CNOT4: variants seen among roughly 807,000 people sequenced by gnomAD.
CNOT4 encodes the protein CCR4-associated factor 4.
A neutral mutation model predicts 73.8 loss-of-function variants in CNOT4; 8 were observed. The observed-to-expected ratio is 0.11, with a 90% CI of 0.06 to 0.20. CNOT4 has a LOEUF of 0.20. Among genes scored for constraint, CNOT4 ranks in the 10% least tolerant of loss-of-function variants. The pLI, the probability that CNOT4 is intolerant of heterozygous loss-of-function variation, is 1.00. For missense variants in CNOT4, 564 were observed against 883.4 expected (o/e 0.64, Z 4.58); for synonymous variants, 293 against 321.1 (o/e 0.91, Z 0.94).
chr7:135,398,513 T>G (rs754849381), intron 7 of CNOT4, among the ~76,000 whole-genome samples: 2 of 152,006 alleles, frequency 1.3e-5, no homozygotes, highest in Non-Finnish European at 2.9e-5. Context: ...AGAGTTCAGA[T>G]TCTCAGATTT....
chr7:135,363,810 A>G lies in CNOT4; in HGVS notation c.1840+44T>C. The stretch of plus-strand genomic sequence containing the variant: ...TTTTATTTAATCTGTGCTAAAAACC[A>G]AACTGTTGGCAGTCAGTGTAGCTGA... On this transcript the variant is annotated intron_variant, in intron 11 of 11. Coordinates refer to ENST00000541284, the MANE Select transcript of CNOT4 (RefSeq NM_001190850.2). This position sits in a 1 kb window ranked among gnomAD's most constrained non-coding sequence, Gnocchi z 4.3. 1 of 1,487,526 alleles carries G rather than the reference A, an allele frequency of 6.7e-7. No homozygotes were observed. Among genetic ancestry groups the G allele is most frequent in the Non-Finnish European group, 9.1e-7 (1 of 1,099,766 alleles). The allele number at this position is 1,487,526 out of a possible 1,614,324, so 92.1% of individuals were successfully genotyped here. A position where few individuals can be genotyped will look rare whatever the true frequency, so the allele number is the denominator to read the frequency against.
chr7:135,425,554 T>A (rs1278574481), intron 2 of CNOT4, among the ~76,000 whole-genome samples: 1 of 152,212 alleles, frequency 6.6e-6, no homozygotes, highest in African/African-American at 2.4e-5. Flanking sequence ...AAAGTCAACG[T>A]TGTTGGAACA....
chr7:135,440,645 G>C (rs924316142), intron 1 of CNOT4, among the ~76,000 whole-genome samples: 10 of 151,980 alleles, frequency 6.6e-5, no homozygotes, highest in African/African-American at 2.4e-4. Context: ...CTGCAGGCCG[G>C]GTGCAGTGGC....
At chr7:135,484,153 C>T (rs1454836456) in intron 1 of CNOT4, among the ~76,000 whole-genome samples, 1 of 152,032 alleles carries the variant, frequency 6.6e-6, no homozygotes, top group African/African-American at 2.4e-5. Context: ...CGAGATCTTG[C>T]CACTGCACTC....
At chr7:135,490,873 A>G (rs775266946) in intron 1 of CNOT4, among the ~76,000 whole-genome samples, 5 of 152,254 alleles carry the variant, frequency 3.3e-5, no homozygotes, top group Non-Finnish European at 5.9e-5. Flanking sequence ...AACCTGTTAA[A>G]AGGCTGCTGC....
chr7:135,434,765 A>C (rs1483591473), intron 2 of CNOT4, among the ~76,000 whole-genome samples: 6 of 152,288 alleles, frequency 3.9e-5, no homozygotes, highest in African/African-American at 1.4e-4. Flanking sequence ...TTCTAATAGG[A>C]ATCTCATACT....
intron 7 of CNOT4, among the ~76,000 whole-genome samples, chr7:135,405,748 C>T (rs1307333644): frequency 2.0e-5 from 3 of 152,120 alleles, no homozygotes; most frequent in African/African-American, 4.8e-5. Context: ...CACTTACTAA[C>T]ATATATGTGC....
chr7:135,408,852 T>A (rs1369528669), intron 7 of CNOT4, among the ~76,000 whole-genome samples: 2 of 152,214 alleles, frequency 1.3e-5, no homozygotes, highest in African/African-American at 4.8e-5. Context: ...AATGAAATGA[T>A]GTTATTGGAG....
At chr7:135,477,157 C>T (rs1379988097) in intron 1 of CNOT4, among the ~76,000 whole-genome samples, 1 of 151,966 alleles carries the variant, frequency 6.6e-6, no homozygotes, top group Non-Finnish European at 1.5e-5. Context: ...GCCTGGCCAA[C>T]AATGGCAAAA....
At chr7:135,427,274 T>TAG (rs1396035864) in intron 2 of CNOT4, among the ~76,000 whole-genome samples, 1 of 152,202 alleles carries the variant, frequency 6.6e-6, no homozygotes, top group Admixed American at 6.5e-5. Flanking sequence ...GCTAAGACTT[T>TAG]AATTATTTTA....
chr7:135,475,029 G>A (rs904504412), intron 1 of CNOT4, among the ~76,000 whole-genome samples: 1 of 152,146 alleles, frequency 6.6e-6, no homozygotes, highest in Non-Finnish European at 1.5e-5. Context: ...AAATGAGCTA[G>A]AGCCTGGTTT....
intron 1 of CNOT4, among the ~76,000 whole-genome samples, chr7:135,472,628 G>A (rs1801710908): frequency 7.3e-6 from 1 of 137,858 alleles, no homozygotes; most frequent in Non-Finnish European, 1.5e-5. Context: ...GTCCCTAAGA[G>A]ATAATGATTG....
chr7:135,374,711 T>C (rs1028516666), intron 10 of CNOT4, among the ~76,000 whole-genome samples: 1 of 152,210 alleles, frequency 6.6e-6, no homozygotes, highest in Non-Finnish European at 1.5e-5. Flanking sequence ...TATAATCACA[T>C]AGTTCTTTCA....
chr7:135,362,753 G>T lies in CNOT4; in HGVS notation c.*132C>A. The T allele has an allele frequency of 1.1e-6, 1 of 880,788 alleles. No homozygotes were observed. The highest frequency in any genetic ancestry group is 1.9e-6 in the Non-Finnish European group (1 of 519,244). 54.6% of individuals were successfully genotyped at this position (880,788 alleles called of 1,614,324 possible). On this transcript the variant is annotated 3_prime_UTR_variant, in exon 12 of 12. Transcript: ENST00000541284. ...TGATCGCATTGCATCTGGGGTTAGG[G>T]AGAAAAAAAATTGATCAGGTACTGG...
intron 6 of CNOT4, 23 bp from the exon 7 acceptor site, chr7:135,410,671 C>T: frequency 6.4e-7 from 1 of 1,559,630 alleles, no homozygotes; most frequent in South Asian, 1.3e-5. Flanking sequence ...GAAATTAAAA[C>T]TGCAGTGGGA....
Position 135,394,280 on chromosome 7 carries a change from T to C in CNOT4, c.1265A>G (p.Glu422Gly). ...GGAAGGTTGGTCTTGAACGGACAGT[T>C]CCTTCTCAATCAGGTCTGCTAAGGC... ...RKALADLIEK[E>G]LSVQDQPSLS... The change falls in exon 10 of 12, where the codon GAA becomes GGA. Residue 422 changes from glutamate (E) to glycine (G), a missense_variant. Physicochemically the swap from Glu to Gly is moderately conservative, Grantham distance 98. This residue lies in a region of CNOT4 where 153 missense variants were observed against 158.7 expected (regional missense o/e 0.96). Transcript: ENST00000541284. The C allele has an allele frequency of 1.2e-6, 2 of 1,614,166 alleles. No individual in the cohort carries two copies. The highest frequency in any genetic ancestry group is 1.7e-6 in the Non-Finnish European group (2 of 1,180,020).
intron 10 of CNOT4, among the ~76,000 whole-genome samples, chr7:135,389,716 A>T (rs1796304772): frequency 6.6e-6 from 1 of 152,170 alleles, no homozygotes; most frequent in African/African-American, 2.4e-5. Context: ...AAACAGTTTC[A>T]AATATTTTTT....
At chr7:135,384,855 A>T (rs765396375) in intron 10 of CNOT4, 62 of 670,304 alleles carry the variant, frequency 9.2e-5, no homozygotes, top group African/African-American at 8.9e-4. Context: ...AACACTAAGT[A>T]GTCAATGATT....
At chr7:135,371,703 G>A (rs1156490428) in intron 10 of CNOT4, among the ~76,000 whole-genome samples, 1 of 151,840 alleles carries the variant, frequency 6.6e-6, no homozygotes, top group African/African-American at 2.4e-5. Context: ...AAGGATCTAA[G>A]GAATCAGAAT....
Sources: allele counts gnomAD v4.1 joint callset (sites outside exome capture counted in the v4.1 genomes callset), GRCh38; gene constraint gnomAD v4.1.1; regional missense constraint gnomAD v4.1.1; non-coding constraint Gnocchi (gnomAD v3.1); transcripts MANE v1.5; gene names NCBI Gene and HGNC (gene_info 2026-07-23, HGNC 2026-07-21).